The following LONP2 variants were observed in gnomAD, a reference collection of about 807,000 sequenced individuals.
The protein encoded by LONP2 is lon peptidase 2, peroxisomal.
In LONP2, 60 loss-of-function variants were observed where a neutral mutation model predicts 85.6. That is an observed-to-expected ratio of 0.70 (90% CI 0.57 to 0.87). LONP2 has a LOEUF of 0.87. Ranked by LOEUF, LONP2 falls within the 40% of genes least tolerant of loss-of-function variation. The probability of loss-of-function intolerance (pLI) is 0.00; values close to 1 mark genes in which losing one functional copy is unlikely to be tolerated. For synonymous variants in LONP2, 395 were observed against 389.7 expected (o/e 1.01, Z -0.16); for missense variants, 860 against 1,063.5 (o/e 0.81, Z 2.66).
intron 8 of LONP2, among the ~76,000 whole-genome samples, chr16:48,284,929 C>A (rs1267462248): frequency 6.6e-6 from 1 of 152,068 alleles, no homozygotes; most frequent in Admixed American, 6.5e-5. Context: ...ATTTACACTG[C>A]CTTTTATGTT....
chr16:48,310,196 T>G (rs1190610863), intron 11 of LONP2, among the ~76,000 whole-genome samples: 1 of 152,174 alleles, frequency 6.6e-6, no homozygotes, highest in African/African-American at 2.4e-5. Context: ...TCTTTAACAG[T>G]AAGGCAAATT....
chr16:48,319,077 T>C (rs1051077474), intron 11 of LONP2, among the ~76,000 whole-genome samples: 5 of 142,804 alleles, frequency 3.5e-5, no homozygotes, highest in Non-Finnish European at 6.1e-5. Context: ...CTAAATTTAA[T>C]GTTTAGAAAG....
chr16:48,289,682 A>G (rs1030398189), intron 8 of LONP2, among the ~76,000 whole-genome samples: 24 of 152,228 alleles, frequency 1.6e-4, no homozygotes, highest in African/African-American at 5.8e-4. Context: ...AACTTCTTCT[A>G]AGTGAAGACA....
chr16:48,316,487 C>T (rs914095658), intron 11 of LONP2, among the ~76,000 whole-genome samples: 13 of 151,582 alleles, frequency 8.6e-5, no homozygotes, highest in East Asian at 1.9e-4. Context: ...CCACCACACC[C>T]GACCAATTTT....
chr16:48,350,035 C>T (rs1960090305), intron 14 of LONP2, among the ~76,000 whole-genome samples: 1 of 152,048 alleles, frequency 6.6e-6, no homozygotes, highest in Admixed American at 6.6e-5. Context: ...GAGGATAGCT[C>T]AAGTCCAGGA....
Position 48,334,470 on chromosome 16 carries a change from CT to C in LONP2, c.1938+114del, listed in dbSNP as rs1353479550. The C allele has an allele frequency of 9.3e-6, 12 of 1,293,692 alleles. No homozygotes were observed. In the East Asian group the frequency reaches 2.8e-4, roughly 30 times the overall value. The allele number at this position is 1,293,692 out of a possible 1,614,324, so 80.1% of individuals were successfully genotyped here. ...GGCTGCCCTTTGGGGAAGGAATAGC[CT>C]TATTCGACCTTCTTTTTGGGACGCA... On this transcript the variant is annotated intron_variant, in intron 12 of 14. Coordinates refer to ENST00000285737, the MANE Select transcript of LONP2 (RefSeq NM_031490.5).
chr16:48,276,263 G>A, intron 7 of LONP2, among the ~76,000 whole-genome samples: 1 of 152,090 alleles, frequency 6.6e-6, no homozygotes, highest in East Asian at 1.9e-4. Context: ...TATTTTTAAG[G>A]CTTGCTTGCC....
At chr16:48,359,463 G>A (rs985640276), downstream of LONP2, among the ~76,000 whole-genome samples, 2 of 152,094 alleles carry the variant, frequency 1.3e-5, no homozygotes, top group African/African-American at 2.4e-5. Context: ...GGTGGCTCAC[G>A]CCTATAATCC....
At chr16:48,330,355 T>C (rs1379135834) in intron 11 of LONP2, among the ~76,000 whole-genome samples, 2 of 152,202 alleles carry the variant, frequency 1.3e-5, no homozygotes, top group Admixed American at 1.3e-4. Flanking sequence ...TTGTTGTTGG[T>C]TTTTCCCCTT....
intron 12 of LONP2, chr16:48,334,928 G>T: frequency 3.1e-6 from 1 of 320,974 alleles, no homozygotes; most frequent in Non-Finnish European, 6.2e-6. Flanking sequence ...TACTCAGGTG[G>T]TTGCTTAACA....
At position 48,337,677 on chromosome 16, in the gene LONP2, G is replaced by C. The variant is rs577936635; in HGVS notation, c.1938+3319G>C. 1.1e-4 allele frequency among the ~76,000 whole-genome samples: 16 copies of C among 152,246 alleles called. No homozygotes were observed. In the South Asian group the frequency reaches 3.3e-3, roughly 32 times the overall value. On this transcript the variant is annotated intron_variant, in intron 12 of 14. Transcript: ENST00000285737. ...GACCTGAGCAGGGCGTCTGTTCTTTGCACCTCACAAGTGGCCAGTCTTATT... is the reference window on the plus strand; with the variant it reads ...GACCTGAGCAGGGCGTCTGTTCTTTCCACCTCACAAGTGGCCAGTCTTATT...
chr16:48,318,543 A>G (rs1973194531), intron 11 of LONP2, among the ~76,000 whole-genome samples: 2 of 152,170 alleles, frequency 1.3e-5, no homozygotes, highest in Non-Finnish European at 2.9e-5. Flanking sequence ...AATAAAATTC[A>G]TCAAAATAAA....
chr16:48,260,029 C>T (rs1036264433), intron 4 of LONP2, among the ~76,000 whole-genome samples: 1 of 152,120 alleles, frequency 6.6e-6, no homozygotes, highest in Non-Finnish European at 1.5e-5. Flanking sequence ...AGTTGAAAAG[C>T]ACTGTTTTAG....
Position 48,351,561 on chromosome 16 carries a change from AC to A in LONP2, c.2338-19del, listed in dbSNP as rs776000963. 2.5e-6 allele frequency: 4 copies of A among 1,606,224 alleles called. No individual in the cohort carries two copies. In the African/African-American group the frequency reaches 4.0e-5, roughly 16 times the overall value. On this transcript the variant is annotated intron_variant, in intron 14 of 14. Coordinates refer to ENST00000285737, the MANE Select transcript of LONP2 (RefSeq NM_031490.5). Reference sequence around the variant, plus strand: ...TTGAGGGTGATCATTAACCCTAAAAACTTTTTTCTCTCCTTACAGGTGGGTG... The same window carrying A: ...TTGAGGGTGATCATTAACCCTAAAAATTTTTTCTCTCCTTACAGGTGGGTG...
chr16:48,250,089 G>A (rs1012440613), intron 1 of LONP2, among the ~76,000 whole-genome samples: 1 of 151,856 alleles, frequency 6.6e-6, no homozygotes, highest in African/African-American at 2.4e-5. Flanking sequence ...CTAGTTGGGA[G>A]GCTGAGGCAC....
At chr16:48,267,174 A>G (rs181995194) in intron 6 of LONP2, among the ~76,000 whole-genome samples, 3 of 152,338 alleles carry the variant, frequency 2.0e-5, no homozygotes, top group Admixed American at 2.0e-4. Context: ...AGCATTGCAC[A>G]TAGCACAAAG....
rs761440888 is a variant in LONP2, at chr16:48,334,205, T to C, written c.1796-11T>C. 1.9e-6 allele frequency: 3 copies of C among 1,610,132 alleles called. No homozygotes were observed. Among genetic ancestry groups the C allele is most frequent in the African/African-American group, 2.7e-5 (2 of 74,588 alleles). On this transcript the variant is annotated splice_polypyrimidine_tract_variant and intron_variant, in intron 11 of 14. Coordinates refer to ENST00000285737, the MANE Select transcript of LONP2 (RefSeq NM_031490.5). ...TCTTAGAACTTCTAAATACATTTTT[T>C]TTTCTTTTAGGTTGCAGAGAACACA... is the stretch of plus-strand genomic sequence containing the variant.
At chr16:48,312,688 G>A (rs535055781) in intron 11 of LONP2, among the ~76,000 whole-genome samples, 43 of 152,266 alleles carry the variant, frequency 2.8e-4, no homozygotes, top group Admixed American at 2.3e-3. Flanking sequence ...AGCAGAGGTC[G>A]TGCAAAACTT....
chr16:48,319,572 T>A lies in LONP2; in HGVS notation c.1796-14644T>A, dbSNP rs527414204. On this transcript the variant is annotated intron_variant, in intron 11 of 14. Transcript: ENST00000285737. ...ATGGCTGTTAGCTGACCTCAGTTCCTTGCTGACTTGGCCAGAGCCTTCAGT... is the reference window on the plus strand; with the variant it reads ...ATGGCTGTTAGCTGACCTCAGTTCCATGCTGACTTGGCCAGAGCCTTCAGT... Among the ~76,000 whole-genome samples the A allele has an allele frequency of 4.6e-5, 7 of 152,274 alleles. No homozygotes were observed. The South Asian group carries it at 1.5e-3, about 32-fold the overall frequency.
Sources: gnomAD v4.1 joint callset for allele counts (sites outside exome capture counted in the v4.1 genomes callset) on GRCh38, gnomAD v4.1.1 for gene constraint, MANE v1.5 for transcripts, NCBI Gene and HGNC (gene_info 2026-07-23, HGNC 2026-07-21) for gene names.